The following ANK3 variants were observed in gnomAD, a reference collection of about 807,000 sequenced individuals.
The protein encoded by ANK3 is ankyrin 3, also known as ankyrin-3.
In ANK3, 57 loss-of-function variants were observed where a neutral mutation model predicts 370.9. The observed-to-expected ratio is 0.15, with a 90% CI of 0.12 to 0.19. ANK3 has a LOEUF of 0.19. Ranked by LOEUF, ANK3 falls within the 10% of genes least tolerant of loss-of-function variation. The pLI is 1.00. For synonymous variants in ANK3, 1,929 were observed against 1,946.3 expected (o/e 0.99, Z 0.23); for missense variants, 4,439 against 5,302.1 (o/e 0.84, Z 5.06).
intron 25 of ANK3, among the ~76,000 whole-genome samples, chr10:60,129,071 G>A (rs1168309955): frequency 6.6e-6 from 1 of 152,182 alleles, no homozygotes; most frequent in African/African-American, 2.4e-5. Flanking sequence ...GAGAGGAATG[G>A]AATGTTTCCA....
chr10:60,124,202 GGCTC>G (rs2093640694), intron 25 of ANK3, among the ~76,000 whole-genome samples: 1 of 152,122 alleles, frequency 6.6e-6, no homozygotes. Flanking sequence ...CTGTCGCCTA[GGCTC>G]AAGTGCAGTG....
intron 7 of ANK3, among the ~76,000 whole-genome samples, chr10:60,239,696 C>T (rs1362369071): frequency 6.6e-6 from 1 of 151,198 alleles, no homozygotes; most frequent in African/African-American, 2.4e-5. Flanking sequence ...CTGGAAATGG[C>T]AAAAAATGAA....
intron 1 of ANK3, among the ~76,000 whole-genome samples, chr10:60,630,498 G>A (rs1171706619): frequency 6.6e-6 from 1 of 152,182 alleles, no homozygotes; most frequent in Non-Finnish European, 1.5e-5. Flanking sequence ...GTAAACAAAG[G>A]CAATTAAGAA....
chr10:60,601,775 G>T (rs2078067975), intron 2 of ANK3, among the ~76,000 whole-genome samples: 1 of 152,176 alleles, frequency 6.6e-6, no homozygotes, highest in Non-Finnish European at 1.5e-5. Context: ...CATGGTAATA[G>T]AAGATGTTTA....
intron 1 of ANK3, among the ~76,000 whole-genome samples, chr10:60,312,417 G>A (rs1014728703): frequency 6.6e-6 from 1 of 152,194 alleles, no homozygotes; most frequent in Non-Finnish European, 1.5e-5. Flanking sequence ...GCTCCTTATT[G>A]ATGTGTTTAC....
At chr10:60,461,445 G>A (rs2064881700) in intron 2 of ANK3, among the ~76,000 whole-genome samples, 1 of 152,114 alleles carries the variant, frequency 6.6e-6, no homozygotes, top group African/African-American at 2.4e-5. Context: ...GTAATGGATA[G>A]GAACATCCAA....
At chr10:60,334,207 C>A (rs1270826204) in intron 1 of ANK3, among the ~76,000 whole-genome samples, 1 of 151,934 alleles carries the variant, frequency 6.6e-6, no homozygotes, top group East Asian at 1.9e-4. Flanking sequence ...AGATTTTTAC[C>A]AACACTTAAT....
At chr10:60,057,230 G>A (rs2079379217) in intron 41 of ANK3, among the ~76,000 whole-genome samples, 1 of 152,068 alleles carries the variant, frequency 6.6e-6, no homozygotes, top group African/African-American at 2.4e-5. Flanking sequence ...TGAGAGAACT[G>A]TTTTTCCCTT....
At chr10:60,372,942 A>T (rs1421623189) in intron 1 of ANK3, among the ~76,000 whole-genome samples, 6 of 152,198 alleles carry the variant, frequency 3.9e-5, no homozygotes, top group African/African-American at 1.2e-4. Context: ...AATGCATTAA[A>T]TATGATTTGA....
chr10:60,542,337 CT>C (rs2076868913), intron 2 of ANK3, among the ~76,000 whole-genome samples: 1 of 151,864 alleles, frequency 6.6e-6, no homozygotes, highest in South Asian at 2.1e-4. Flanking sequence ...CAACCTTAAT[CT>C]TCCTTACTTT....
At chr10:60,711,148 A>C (rs2079699556) in intron 1 of ANK3, among the ~76,000 whole-genome samples, 1 of 152,204 alleles carries the variant, frequency 6.6e-6, no homozygotes, top group Non-Finnish European at 1.5e-5. Flanking sequence ...TGAACAACAC[A>C]AAAAATAGAT....
rs138682135 is a variant in ANK3, at chr10:60,411,149, C to T, written c.97-131510G>A. 4.6e-5 allele frequency among the ~76,000 whole-genome samples: 7 copies of T among 152,266 alleles called. No individual in the cohort carries two copies. The East Asian group carries it at 1.4e-3, about 29-fold the overall frequency. The stretch of plus-strand genomic sequence containing the variant: ...TACACCAAGCCACATTGGACTGTGA[C>T]GTGAACCAGAAACAAACTTTTATTA... On this transcript the variant is annotated intron_variant, in intron 2 of 43. Transcript: ENST00000373827.
intron 23 of ANK3, among the ~76,000 whole-genome samples, chr10:60,158,354 C>T (rs994334643): frequency 3.3e-5 from 5 of 152,030 alleles, no homozygotes; most frequent in African/African-American, 7.2e-5. Context: ...TTGTGGTGTA[C>T]AAACCACTCA....
At chr10:60,469,067 A>G (rs1013391938) in intron 2 of ANK3, among the ~76,000 whole-genome samples, 148 of 1,046 alleles carry the variant, frequency 0.14, 1 homozygote, top group African/African-American at 0.21. Context: ...CACTTTTAGT[A>G]TATATATATA....
intron 2 of ANK3, among the ~76,000 whole-genome samples, chr10:60,514,890 T>G (rs2076178527): frequency 6.6e-6 from 1 of 152,180 alleles, no homozygotes; most frequent in South Asian, 2.1e-4. Context: ...TTCTCTCATA[T>G]TTCATATAAA....
chr10:60,177,637 G>A (rs907112584), intron 18 of ANK3, among the ~76,000 whole-genome samples: 5 of 121,852 alleles, frequency 4.1e-5, no homozygotes, highest in African/African-American at 9.3e-5. Flanking sequence ...TCGCTCTGTC[G>A]CCCAGGCTGG....
chr10:60,685,434 C>T (rs2079255029), intron 1 of ANK3, among the ~76,000 whole-genome samples: 1 of 152,092 alleles, frequency 6.6e-6, no homozygotes, highest in Non-Finnish European at 1.5e-5. Flanking sequence ...AATGCCCCTC[C>T]CTCAGTTATT....
chr10:60,710,774 A>G (rs1372715), intron 1 of ANK3, among the ~76,000 whole-genome samples: 42,750 of 152,054 alleles, frequency 0.28, 6,811 homozygotes, highest in South Asian at 0.48. Context: ...CCCAGAAAAA[A>G]TGGTGGTGTA....
chr10:60,479,583 T>C (rs1211026240), intron 2 of ANK3, among the ~76,000 whole-genome samples: 1 of 152,170 alleles, frequency 6.6e-6, no homozygotes, highest in Non-Finnish European at 1.5e-5. Flanking sequence ...AAAATCAAAT[T>C]ACAGAATTAT....
Sources: gnomAD v4.1 joint callset for allele counts (sites outside exome capture counted in the v4.1 genomes callset) on GRCh38, gnomAD v4.1.1 for gene constraint, MANE v1.5 for transcripts, NCBI Gene and HGNC (gene_info 2026-07-23, HGNC 2026-07-21) for gene names.